The following KCTD5 variants were observed in gnomAD, a reference collection of about 807,000 sequenced individuals.
KCTD5 encodes BTB/POZ domain-containing protein KCTD5.
A neutral mutation model predicts 27.9 loss-of-function variants in KCTD5; 12 were observed. The observed-to-expected ratio is 0.43, with a 90% CI of 0.28 to 0.70. The LOEUF is 0.70. Ranked by LOEUF, KCTD5 falls within the 30% of genes least tolerant of loss-of-function variation. KCTD5 has a pLI of 0.19. For synonymous variants in KCTD5, 147 were observed against 121.4 expected, an observed-to-expected ratio of 1.21 and a Z score of -1.39; for missense variants, 226 against 274.8, an observed-to-expected ratio of 0.82 and a Z score of 1.26.
intron 3 of KCTD5, chr16:2,699,383 C>G: frequency 2.8e-6 from 1 of 360,856 alleles, no homozygotes; most frequent in South Asian, 2.0e-5. Flanking sequence ...GTCCAGGCTG[C>G]CGCGCAAGTT....
At chr16:2,687,676 G>A (rs1214222684) in intron 1 of KCTD5, among the ~76,000 whole-genome samples, 2 of 152,210 alleles carry the variant, frequency 1.3e-5, no homozygotes, top group Non-Finnish European at 2.9e-5. Context: ...CGGCCCTGTC[G>A]TTAACCACCA....
chr16:2,704,151 C>T (rs2067624351), intron 5 of KCTD5, among the ~76,000 whole-genome samples: 1 of 152,172 alleles, frequency 6.6e-6, no homozygotes, highest in South Asian at 2.1e-4. Flanking sequence ...TCCAAAAATA[C>T]CTGCTCTGAA....
chr16:2,685,943 GA>G (rs2067538395), intron 1 of KCTD5: 1 of 152,154 alleles, frequency 6.6e-6, no homozygotes, highest in African/African-American at 2.4e-5. Flanking sequence ...GAGTTCCCAA[GA>G]AACCACAGAA....
chr16:2,687,219 C>G (rs554132096), intron 1 of KCTD5, among the ~76,000 whole-genome samples: 1 of 152,312 alleles, frequency 6.6e-6, no homozygotes, highest in South Asian at 2.1e-4. Flanking sequence ...GAAAAGGACT[C>G]GACTCTGGTG....
At chr16:2,688,395 C>T (rs887057334) in intron 1 of KCTD5, among the ~76,000 whole-genome samples, 5 of 151,772 alleles carry the variant, frequency 3.3e-5, no homozygotes, top group African/African-American at 1.2e-4. Context: ...GGATTACAGG[C>T]ACGAGCCACC....
intron 1 of KCTD5, among the ~76,000 whole-genome samples, chr16:2,691,186 T>G (rs2067565046): frequency 1.3e-5 from 2 of 152,154 alleles, no homozygotes; most frequent in East Asian, 1.9e-4. Flanking sequence ...TTCCTATGGA[T>G]GTGGAAATCT....
At position 2,695,371 on chromosome 16, in the gene KCTD5, G is replaced by T. The variant is rs1488962667; in HGVS notation, c.253-564G>T. 3.9e-4 allele frequency among the ~76,000 whole-genome samples: 48 copies of T among 122,564 alleles called. 15 individuals are homozygous for T. The highest frequency in any genetic ancestry group is 4.6e-4 in the Non-Finnish European group (23 of 50,348). The allele number at this position is 122,564 out of a possible 152,430, so 80.4% of individuals were successfully genotyped here. The stretch of plus-strand genomic sequence containing the variant: ...ATGCTGTTGAGTGCCGGTCACTGTG[G>T]CCTCCCTCGCTGCTGGCTCCCGGCC... On this transcript the variant is annotated intron_variant, in intron 1 of 5. Coordinates refer to ENST00000301738, the MANE Select transcript of KCTD5 (RefSeq NM_018992.4).
chr16:2,708,482 C>T lies in KCTD5; in HGVS notation c.*1155C>T, dbSNP rs149965647. The T allele has an allele frequency of 2.4e-3, 360 of 152,544 alleles. 2 individuals are homozygous for T. The highest frequency in any genetic ancestry group is 5.4e-3 in the Admixed American group (82 of 15,310). The allele number at this position is 152,544 out of a possible 1,614,324, so 9.4% of individuals were successfully genotyped here. ...GGGGACTCGGCGTGCAGGGCGGGCT[C>T]CAAGCGCTTTGCTTCCGGAACTCCG... On this transcript the variant is annotated 3_prime_UTR_variant, in exon 6 of 6. Coordinates refer to ENST00000301738, the MANE Select transcript of KCTD5 (RefSeq NM_018992.4).
intron 5 of KCTD5, among the ~76,000 whole-genome samples, chr16:2,704,175 G>A (rs961569110): frequency 1.3e-5 from 2 of 152,226 alleles, no homozygotes; most frequent in African/African-American, 4.8e-5. Context: ...GGGCAGCTAT[G>A]GCGGCTTCTT....
rs568495792 is a variant in KCTD5, at chr16:2,707,538, C to A, written c.*211C>A. ...ACGTCCCCAAGTTGGGGGAGCACGG[C>A]GGCCGGGTGGGCGCTGCCTCTTGGG... is the stretch of plus-strand genomic sequence containing the variant. On this transcript the variant is annotated 3_prime_UTR_variant, in exon 6 of 6. Transcript: ENST00000301738. The A allele has an allele frequency of 1.2e-5, 8 of 670,518 alleles. No homozygotes were observed. The highest frequency in any genetic ancestry group is 1.9e-5 in the Non-Finnish European group (7 of 370,188). The allele number at this position is 670,518 out of a possible 1,614,324, so 41.5% of individuals were successfully genotyped here.
At chr16:2,706,194 G>A (rs1249150735) in intron 5 of KCTD5, among the ~76,000 whole-genome samples, 1 of 152,198 alleles carries the variant, frequency 6.6e-6, no homozygotes, top group Admixed American at 6.5e-5. Context: ...CAGAGCTGTT[G>A]GGGGGTGGAG....
At position 2,693,546 on chromosome 16, in the gene KCTD5, T is replaced by C. The variant is rs370349544; in HGVS notation, c.253-2389T>C. Among the ~76,000 whole-genome samples the C allele has an allele frequency of 6.6e-4, 100 of 152,350 alleles. No individual in the cohort carries two copies. The East Asian group carries it at 0.011, about 17-fold the overall frequency. On this transcript the variant is annotated intron_variant, in intron 1 of 5. Coordinates refer to ENST00000301738, the MANE Select transcript of KCTD5 (RefSeq NM_018992.4). ...GCACGCTCAGTGCCCTGCCGGCTCCTTGGACCTGTCTGTGTTCCTCTGTCC... is the reference window on the plus strand; with the variant it reads ...GCACGCTCAGTGCCCTGCCGGCTCCCTGGACCTGTCTGTGTTCCTCTGTCC...
rs2067649153 is a variant in KCTD5 at position 2,708,877 on chromosome 16, TTTTAA to T, written c.*1556_*1560del. On this transcript the variant is annotated 3_prime_UTR_variant, in exon 6 of 6. Transcript: ENST00000301738. ...GACATAGTAGATAGGCTTGTGGTTTTTTTAATTTAAAGATATTAAGACTTAATTCA... is the reference window on the plus strand; with the variant it reads ...GACATAGTAGATAGGCTTGTGGTTTTTTTAAAGATATTAAGACTTAATTCA... 6.6e-6 allele frequency: 1 copy of T among 152,226 alleles called. No individual in the cohort carries two copies. Among genetic ancestry groups the T allele is most frequent in the South Asian group, 2.1e-4 (1 of 4,828 alleles). The allele number at this position is 152,226 out of a possible 1,614,324, so 9.4% of individuals were successfully genotyped here.
chr16:2,701,342 C>T (rs889296772), intron 4 of KCTD5, among the ~76,000 whole-genome samples: 2 of 152,206 alleles, frequency 1.3e-5, no homozygotes, highest in Non-Finnish European at 2.9e-5. Context: ...CCAGCTGTCC[C>T]GGCTGTGGGG....
chr16:2,706,732 A>G (rs2142060764), intron 5 of KCTD5, among the ~76,000 whole-genome samples: 1 of 149,586 alleles, frequency 6.7e-6, no homozygotes. Flanking sequence ...TGAGGAGGGG[A>G]TCCCCGCAGC....
rs553718936 is a variant in KCTD5, at chr16:2,691,539, G to A, written c.253-4396G>A. ...GGGGCAGCTGCAGGCCCGGCGCGCC[G>A]AGTCCACGCAGCCTGGGTAGGTCCT... is the stretch of plus-strand genomic sequence containing the variant. On this transcript the variant is annotated intron_variant, in intron 1 of 5. Coordinates refer to ENST00000301738, the MANE Select transcript of KCTD5 (RefSeq NM_018992.4). Among the ~76,000 whole-genome samples the A allele has an allele frequency of 3.6e-4, 55 of 152,308 alleles. 1 individual carries two copies. Among genetic ancestry groups the A allele is most frequent in the South Asian group, 2.5e-3 (12 of 4,822 alleles).
chr16:2,684,750 G>A (rs1343613032), intron 1 of KCTD5: 1 of 148,428 alleles, frequency 6.7e-6, no homozygotes. Flanking sequence ...GGGTGAAAGA[G>A]CAAGACTCCA....
intron 2 of KCTD5, among the ~76,000 whole-genome samples, chr16:2,696,883 ACTCT>A (rs1471617123): frequency 2.6e-5 from 4 of 151,034 alleles, no homozygotes; most frequent in African/African-American, 7.3e-5. Flanking sequence ...TTTCACATGT[ACTCT>A]CTCTGGTCGC....
chr16:2,706,406 C>T (rs1481467012), intron 5 of KCTD5, among the ~76,000 whole-genome samples: 1 of 152,192 alleles, frequency 6.6e-6, no homozygotes, highest in African/African-American at 2.4e-5. Context: ...CACATGGAGA[C>T]AGCTGTTGTG....
Sources: allele counts gnomAD v4.1 joint callset (sites outside exome capture counted in the v4.1 genomes callset), GRCh38; gene constraint gnomAD v4.1.1; transcripts MANE v1.5; gene names NCBI Gene and HGNC (gene_info 2026-07-23, HGNC 2026-07-21).